MGLL: variants seen among roughly 807,000 people sequenced by gnomAD.
MGLL encodes the protein monoglyceride lipase, also known as lysophospholipase homolog.
MGLL carries 7 observed loss-of-function variants against 29.1 expected under a neutral mutation model. The observed-to-expected ratio is 0.24, with a 90% CI of 0.14 to 0.45. The LOEUF is 0.45. MGLL is among the 20% of genes least tolerant of loss of function. MGLL has a pLI of 0.99. For synonymous variants in MGLL, 148 were observed against 168.3 expected (o/e 0.88, Z 0.93); for missense variants, 356 against 413.6 (o/e 0.86, Z 1.21).
intron 6 of MGLL, among the ~76,000 whole-genome samples, chr3:127,704,632 AT>A (rs1365219876): frequency 6.6e-6 from 1 of 152,236 alleles, no homozygotes; most frequent in Non-Finnish European, 1.5e-5. Context: ...CAAGAAACAC[AT>A]GAAAAAAAGC....
At chr3:127,708,236 G>C (rs77341187) in intron 6 of MGLL, among the ~76,000 whole-genome samples, 1 of 152,240 alleles carries the variant, frequency 6.6e-6, no homozygotes, top group South Asian at 2.1e-4. Context: ...AGAGGGAGAC[G>C]CAGAGCTGCG....
chr3:127,708,268 G>A (rs2075642184), intron 6 of MGLL, among the ~76,000 whole-genome samples: 4 of 152,344 alleles, frequency 2.6e-5, no homozygotes, highest in African/African-American at 2.4e-5. Flanking sequence ...AGGGAAAGGC[G>A]TGCTCTTGAT....
intron 3 of MGLL, among the ~76,000 whole-genome samples, chr3:127,747,745 G>C (rs150638727): frequency 4.6e-5 from 7 of 152,282 alleles, no homozygotes; most frequent in Admixed American, 3.9e-4. Context: ...GAGCTTCCAC[G>C]GTAACACCTA....
At chr3:127,807,325 C>A (rs1225786775) in intron 2 of MGLL, among the ~76,000 whole-genome samples, 1 of 152,104 alleles carries the variant, frequency 6.6e-6, no homozygotes, top group Non-Finnish European at 1.5e-5. Context: ...ATCACCTCTT[C>A]CATTCCTGAT....
intron 2 of MGLL, among the ~76,000 whole-genome samples, chr3:127,806,997 TA>T (rs1471585741): frequency 1.3e-5 from 2 of 152,250 alleles, no homozygotes; most frequent in Non-Finnish European, 2.9e-5. Flanking sequence ...ATCTGGGTAA[TA>T]ATGACCACTT....
intron 3 of MGLL, among the ~76,000 whole-genome samples, chr3:127,775,037 T>C (rs540161083): frequency 6.6e-6 from 1 of 152,132 alleles, no homozygotes; most frequent in Admixed American, 6.5e-5. Context: ...TCAAATAAAC[T>C]CAACAGGCTT....
chr3:127,721,786 G>A (rs2107623729), intron 4 of MGLL, among the ~76,000 whole-genome samples: 1 of 152,224 alleles, frequency 6.6e-6, no homozygotes, highest in African/African-American at 2.4e-5. Flanking sequence ...AGGAGGCAAG[G>A]CCTGCCCTGG....
At chr3:127,713,362 C>T (rs1008951343) in intron 5 of MGLL, 14 of 151,898 alleles carry the variant, frequency 9.2e-5, no homozygotes, top group African/African-American at 2.9e-4. Context: ...ATCCCCACCA[C>T]ACTCAGGAAC....
intron 6 of MGLL, among the ~76,000 whole-genome samples, chr3:127,699,527 T>C (rs1346183548): frequency 1.3e-5 from 2 of 152,238 alleles, no homozygotes; most frequent in African/African-American, 4.8e-5. Flanking sequence ...ACTATTATTA[T>C]TACCTTTTTA....
At chr3:127,773,059 C>A (rs751828909) in intron 3 of MGLL, among the ~76,000 whole-genome samples, 3 of 152,350 alleles carry the variant, frequency 2.0e-5, no homozygotes, top group South Asian at 2.1e-4. Context: ...GCACTCTCGG[C>A]AGATCTGAAG....
intron 2 of MGLL, among the ~76,000 whole-genome samples, chr3:127,791,840 G>A (rs2077305405): frequency 6.6e-6 from 1 of 152,210 alleles, no homozygotes; most frequent in African/African-American, 2.4e-5. Flanking sequence ...GGAGGCCGAG[G>A]TAGGGGGATC....
At chr3:127,718,711 G>A (rs2075862450) in intron 5 of MGLL, among the ~76,000 whole-genome samples, 1 of 152,208 alleles carries the variant, frequency 6.6e-6, no homozygotes, top group South Asian at 2.1e-4. Flanking sequence ...GAGCGTTGAC[G>A]GGAGTTGCAG....
rs1051095840 is a variant in MGLL, at chr3:127,692,105, T to C, written c.*93A>G. 16 of 913,738 alleles carry C rather than the reference T, an allele frequency of 1.8e-5. No individual in the cohort carries two copies. Among genetic ancestry groups the C allele is most frequent in the Non-Finnish European group, 2.4e-5 (16 of 660,934 alleles). The allele number at this position is 913,738 out of a possible 1,614,324, so 56.6% of individuals were successfully genotyped here. A position where few individuals can be genotyped will look rare whatever the true frequency, so the allele number is the denominator to read the frequency against. ...TTCTCCAATTTCTGATTTTTTTTTT[T>C]TTTTTTTTTTGGCAAGCCATATCTG... On this transcript the variant is annotated 3_prime_UTR_variant, in exon 8 of 8. Coordinates refer to ENST00000265052, the MANE Select transcript of MGLL (RefSeq NM_007283.7).
At chr3:127,781,347 T>C (rs2077121947) in intron 3 of MGLL, among the ~76,000 whole-genome samples, 1 of 152,218 alleles carries the variant, frequency 6.6e-6, no homozygotes, top group Non-Finnish European at 1.5e-5. Flanking sequence ...GTGAACAATA[T>C]GGCCTGTTGA....
At position 127,721,111 on chromosome 3, in the gene MGLL, C is replaced by A; in HGVS notation, c.452G>T (p.Gly151Val). The change falls in exon 5 of 8, where the codon GGC becomes GTC. Residue 151 changes from glycine to valine, a missense_variant. By Grantham distance (109) the Gly-to-Val change is moderately radical (BLOSUM62 -3). Transcript: ENST00000265052. ...AACCAGAGGCGAAATGAGTACCATG[C>A]CGGCGAAGTGGCCCGGCCTCTCTGC... ...TAAERPGHFAGMVLISPLVLA... is the reference protein window; with the variant it reads ...TAAERPGHFAVMVLISPLVLA... The A allele has an allele frequency of 6.2e-7, 1 of 1,614,242 alleles. No homozygotes were observed. The highest frequency in any genetic ancestry group is 8.5e-7 in the Non-Finnish European group (1 of 1,180,044).
intron 3 of MGLL, among the ~76,000 whole-genome samples, chr3:127,747,115 G>C (rs1029362032): frequency 3.3e-5 from 5 of 152,128 alleles, no homozygotes; most frequent in Admixed American, 2.0e-4. Context: ...GTGGACATAA[G>C]GAGCTCCTCA....
chr3:127,778,077 G>A (rs549049152), intron 3 of MGLL, among the ~76,000 whole-genome samples: 18 of 152,282 alleles, frequency 1.2e-4, no homozygotes, highest in Middle Eastern at 3.4e-3. Context: ...CAACCGCGGC[G>A]CCTAGAGGTT....
intron 3 of MGLL, among the ~76,000 whole-genome samples, chr3:127,768,018 T>C (rs1384401308): frequency 6.6e-6 from 1 of 152,200 alleles, no homozygotes; most frequent in African/African-American, 2.4e-5. Flanking sequence ...TAACAGAGGA[T>C]ATTATGGACA....
intron 3 of MGLL, among the ~76,000 whole-genome samples, chr3:127,750,350 C>T (rs1393969066): frequency 6.6e-6 from 1 of 152,140 alleles, no homozygotes; most frequent in Non-Finnish European, 1.5e-5. Context: ...CTGGGGGCCT[C>T]GGGCAGGCCA....
Sources: allele counts gnomAD v4.1 joint callset (sites outside exome capture counted in the v4.1 genomes callset), GRCh38; gene constraint gnomAD v4.1.1; transcripts MANE v1.5; gene names NCBI Gene and HGNC (gene_info 2026-07-23, HGNC 2026-07-21).